Variants in FBXO17 observed in about 807,000 individuals in gnomAD.
FBXO17 encodes F-box protein 17.
Under a neutral mutation model 34.1 loss-of-function variants are expected in FBXO17, and 43 were observed. That is an observed-to-expected ratio of 1.26 (90% CI 0.99 to 1.62). FBXO17 has a LOEUF of 1.62. FBXO17 is among the 40% of genes most tolerant of loss of function. The probability of loss-of-function intolerance (pLI) is 0.00; values close to 1 mark genes in which losing one functional copy is unlikely to be tolerated. For synonymous variants in FBXO17, 169 were observed against 166.0 expected (o/e 1.02, Z -0.14); for missense variants, 424 against 386.7 (o/e 1.10, Z -0.81).
chr19:38,959,145 A>G (rs1475721854), intron 1 of FBXO17, among the ~76,000 whole-genome samples: 1 of 151,226 alleles, frequency 6.6e-6, no homozygotes, highest in African/African-American at 2.4e-5. Context: ...CCTGGGCTCA[A>G]GTGATCCTGT....
chr19:38,950,033 A>G lies in FBXO17; in HGVS notation c.287T>C (p.Leu96Pro), dbSNP rs1202123947. The change falls in exon 2 of 6, where the codon CTG becomes CCG. Residue 96 changes from leucine to proline, a missense_variant. Physicochemically the swap from Leu to Pro is moderately conservative, Grantham distance 98 (BLOSUM62 -3). Transcript: ENST00000292852. ...GGGCGCGCGCAGACAGTAGCGCGCC[A>G]GGGCGCACAGCGGGAACTCCTCCTT... The part of the protein sequence containing the change: ...EDKEEFPLCA[L>P]ARYCLRAPFG... 4 of 1,565,556 alleles carry G rather than the reference A, an allele frequency of 2.6e-6. No homozygotes were observed. Among genetic ancestry groups the G allele is most frequent in the African/African-American group, 1.4e-5 (1 of 73,574 alleles).
chr19:38,957,565 T>C (rs1017385461), intron 1 of FBXO17, among the ~76,000 whole-genome samples: 1 of 152,124 alleles, frequency 6.6e-6, no homozygotes, highest in South Asian at 2.1e-4. Context: ...AGGCTGGTCT[T>C]GAATGCCTGA....
intron 5 of FBXO17, 24 bp from the exon 6 acceptor site, chr19:38,942,775 G>T: frequency 6.3e-7 from 1 of 1,590,486 alleles, no homozygotes; most frequent in Non-Finnish European, 8.5e-7. Flanking sequence ...GGGAGTGAGA[G>T]GGTGAGGGCC....
chr19:38,967,402 C>T lies in FBXO17; in HGVS notation c.-18+8184G>A, dbSNP rs558475253. Among the ~76,000 whole-genome samples the T allele has an allele frequency of 6.9e-3, 1,043 of 151,802 alleles. 15 individuals are homozygous for T. Among genetic ancestry groups the T allele is most frequent in the African/African-American group, 0.024 (974 of 41,374 alleles). ...TTGCAGTGAGCTGAGATCACGCCATCGCACTCCAGCCTGGGCAACAAGAGT... is the reference window on the plus strand; with the variant it reads ...TTGCAGTGAGCTGAGATCACGCCATTGCACTCCAGCCTGGGCAACAAGAGT... On this transcript the variant is annotated intron_variant, in intron 1 of 5. Coordinates refer to ENST00000292852, the MANE Select transcript of FBXO17 (RefSeq NM_024907.7).
At chr19:38,955,480 CTTTCTTTT>C (rs1975154067) in intron 1 of FBXO17, among the ~76,000 whole-genome samples, 2 of 144,482 alleles carry the variant, frequency 1.4e-5, no homozygotes, top group African/African-American at 2.6e-5. Context: ...CATTTTCTTT[CTTTCTTTT>C]TTTTTTTTTT....
intron 1 of FBXO17, among the ~76,000 whole-genome samples, chr19:38,959,280 TTTC>T (rs1173541315): frequency 0.013 from 696 of 53,888 alleles, 4 homozygotes; most frequent in East Asian, 0.089. Context: ...TCTTTCTTTC[TTTC>T]TTTTTTTTTT....
In FBXO17 at chr19:38,948,555, T is replaced by C. The variant is rs983823454; in HGVS notation, c.461+12A>G. ...GCCCCAGGGATCGGGGCCTCTCACT[T>C]GGGCCACTCACTCGAAAGAGGTCAC... On this transcript the variant is annotated intron_variant, in intron 3 of 5. Transcript: ENST00000292852. 6.2e-7 allele frequency: 1 copy of C among 1,610,388 alleles called. No individual in the cohort carries two copies. The highest frequency in any genetic ancestry group is 1.1e-5 in the South Asian group (1 of 90,820).
intron 1 of FBXO17, chr19:38,952,879 G>T (rs1975107357): frequency 4.4e-6 from 2 of 455,928 alleles, no homozygotes; most frequent in Non-Finnish European, 8.8e-6. Context: ...TCCCTCCAGT[G>T]CCCCACTCGC....
chr19:38,961,129 C>T (rs1028009211), intron 1 of FBXO17, among the ~76,000 whole-genome samples: 8 of 152,154 alleles, frequency 5.3e-5, no homozygotes, highest in Non-Finnish European at 1.0e-4. Flanking sequence ...CTTTCATCTT[C>T]AAGGTTCATT....
At chr19:38,944,863 T>C (rs532517993) in intron 5 of FBXO17, 106 bp downstream of exon 5, 10 of 1,485,120 alleles carry the variant, frequency 6.7e-6, no homozygotes, top group Non-Finnish European at 9.1e-6. Flanking sequence ...TTAGCTGTTA[T>C]GATTATAGAT....
chr19:38,962,106 T>TAAAAA (rs71167604), intron 1 of FBXO17, among the ~76,000 whole-genome samples: 1 of 92,496 alleles, frequency 1.1e-5, no homozygotes, highest in South Asian at 3.6e-4. Context: ...GGGACGCTGT[T>TAAAAA]AAAAAAAAAA....
chr19:38,943,102 G>A (rs1396141201), intron 5 of FBXO17, among the ~76,000 whole-genome samples: 1 of 152,126 alleles, frequency 6.6e-6, no homozygotes, highest in Admixed American at 6.5e-5. Flanking sequence ...AACGGCCCGC[G>A]CAAAGGCCCT....
At position 38,950,082 on chromosome 19, in the gene FBXO17, G is replaced by A; in HGVS notation, c.238C>T (p.Arg80Cys). Residue 80 changes from arginine (R) to cysteine (C), a missense_variant, in exon 2 of 6, where the codon CGC (arginine) becomes TGC (cysteine). Arg to Cys is a radical substitution (Grantham distance 180). Transcript: ENST00000292852. ...EGRALYAVAQRCLPSNEDKEE... is the reference protein window; with the variant it reads ...EGRALYAVAQCCLPSNEDKEE... ...TTGTCTTCGTTGCTGGGCAGGCAGC[G>A]TTGAGCCACTGCGTAGAGTGCGCGG... 1 of 1,567,438 alleles carries A rather than the reference G, an allele frequency of 6.4e-7. No homozygotes were observed.
intron 1 of FBXO17, among the ~76,000 whole-genome samples, chr19:38,954,922 ATT>A (rs1252533463): frequency 7.7e-6 from 1 of 129,406 alleles, no homozygotes; most frequent in Non-Finnish European, 1.6e-5. Flanking sequence ...TATTATTATT[ATT>A]ATTATTATTA....
chr19:38,961,906 GC>G (rs1445245503), intron 1 of FBXO17, among the ~76,000 whole-genome samples: 1 of 150,862 alleles, frequency 6.6e-6, no homozygotes, highest in Non-Finnish European at 1.5e-5. Flanking sequence ...CAAGTGATCC[GC>G]CTGCGTCGGC....
intron 1 of FBXO17, among the ~76,000 whole-genome samples, chr19:38,971,336 C>T (rs949042463): frequency 2.0e-5 from 3 of 152,042 alleles, no homozygotes; most frequent in Non-Finnish European, 4.4e-5. Flanking sequence ...CCATATGCTG[C>T]CATCAGAGAC....
intron 1 of FBXO17, among the ~76,000 whole-genome samples, chr19:38,958,102 C>G (rs1463571346): frequency 7.1e-6 from 1 of 141,264 alleles, no homozygotes; most frequent in Admixed American, 7.1e-5. Flanking sequence ...TGAGATCCTG[C>G]CTCAAAAAAA....
At chr19:38,951,384 T>C (rs531618767) in intron 1 of FBXO17, among the ~76,000 whole-genome samples, 1 of 151,410 alleles carries the variant, frequency 6.6e-6, no homozygotes, top group African/African-American at 2.4e-5. Context: ...TACATTGCCC[T>C]GGCTGGTCTT....
chr19:38,950,604 A>G (rs1056371081), intron 1 of FBXO17, among the ~76,000 whole-genome samples: 1 of 152,264 alleles, frequency 6.6e-6, no homozygotes, highest in African/African-American at 2.4e-5. Flanking sequence ...CGCTTCAGGT[A>G]TATGACCAGT....
Sources: gnomAD v4.1 joint callset for allele counts (sites outside exome capture counted in the v4.1 genomes callset) on GRCh38, gnomAD v4.1.1 for gene constraint, MANE v1.5 for transcripts, NCBI Gene and HGNC (gene_info 2026-07-23, HGNC 2026-07-21) for gene names.